BAG4: variants seen among roughly 807,000 people sequenced by gnomAD.
The protein encoded by BAG4 is BAG family molecular chaperone regulator 4.
Under a neutral mutation model 52.1 loss-of-function variants are expected in BAG4, and 28 were observed. The ratio of observed to expected loss-of-function variants is 0.54; its 90% CI spans 0.40 to 0.74. BAG4 has a LOEUF of 0.74. Ranked by LOEUF, BAG4 falls within the 30% of genes least tolerant of loss-of-function variation. The pLI is 0.00. For synonymous variants in BAG4, 208 were observed against 217.0 expected, an observed-to-expected ratio of 0.96 and a Z score of 0.37; for missense variants, 525 against 572.0, an observed-to-expected ratio of 0.92 and a Z score of 0.84.
In BAG4 at chr8:38,210,290, C is replaced by T; in HGVS notation, c.1171C>T (p.Gln391Ter). 2 of 1,614,032 alleles carry T rather than the reference C, an allele frequency of 1.2e-6. No individual in the cohort carries two copies. The highest frequency in any genetic ancestry group is 1.1e-5 in the South Asian group (1 of 91,056). The change falls in exon 5 of 5, where the codon CAG becomes TAG. Residue 391 changes from glutamine (Q) to a stop codon, truncating the protein, a stop_gained. Transcript: ENST00000287322. LOFTEE classifies it high-confidence loss of function. ...KKIIHVLEKV[Q>*]YLEQEVEEFV... is the part of the protein sequence containing the mutation. ...AATCATACATGTGCTGGAGAAGGTCCAGTATCTTGAACAAGAAGTAGAAGA... is the reference window on the plus strand; with the variant it reads ...AATCATACATGTGCTGGAGAAGGTCTAGTATCTTGAACAAGAAGTAGAAGA...
chr8:38,206,894 C>T (rs904049451), intron 2 of BAG4, among the ~76,000 whole-genome samples: 1 of 151,986 alleles, frequency 6.6e-6, no homozygotes, highest in African/African-American at 2.4e-5. Context: ...AATCCTCTCA[C>T]CTCAGCCTCC....
rs1018047056 is a variant in BAG4, at chr8:38,211,643, TG to T, written c.*1153del. 5 of 151,982 alleles carry T rather than the reference TG, an allele frequency of 3.3e-5. No individual in the cohort carries two copies. The highest frequency in any genetic ancestry group is 5.9e-5 in the Non-Finnish European group (4 of 67,948). 9.4% of individuals were successfully genotyped at this position (151,982 alleles called of 1,614,324 possible). ...GGGAATGAATCAGCCATAGTTAGAG[TG>T]GGAAATTATTATTTTCTTCATTTAA... On this transcript the variant is annotated 3_prime_UTR_variant, in exon 5 of 5. Transcript: ENST00000287322.
chr8:38,202,473 C>T (rs896787174), intron 2 of BAG4, among the ~76,000 whole-genome samples: 8 of 151,780 alleles, frequency 5.3e-5, no homozygotes, highest in Admixed American at 3.9e-4. Context: ...CCCCGCTTAT[C>T]TTAAACTCTT....
chr8:38,198,117 G>A, intron 2 of BAG4, among the ~76,000 whole-genome samples: 1 of 151,904 alleles, frequency 6.6e-6, no homozygotes, highest in East Asian at 1.9e-4. Context: ...GGGCGCGGTG[G>A]CTCACTCCTG....
At chr8:38,209,605 C>T in intron 4 of BAG4, 1 of 378,120 alleles carries the variant, frequency 2.6e-6, no homozygotes, top group Non-Finnish European at 4.8e-6. Context: ...ATATCTGTAG[C>T]ATGAGCTTGT....
intron 2 of BAG4, among the ~76,000 whole-genome samples, chr8:38,198,430 T>C (rs1803602755): frequency 6.6e-6 from 1 of 150,560 alleles, no homozygotes. Flanking sequence ...TTAATTTCTT[T>C]ATATCCTTAT....
At chr8:38,201,849 TATATA>T (rs1803668417) in intron 2 of BAG4, 5 of 6,356 alleles carry the variant, frequency 7.9e-4, no homozygotes, top group Non-Finnish European at 2.3e-3. Flanking sequence ...TATATATATA[TATATA>T]TATATATATA....
intron 1 of BAG4, among the ~76,000 whole-genome samples, chr8:38,189,938 A>G (rs1803445153): frequency 1.3e-5 from 2 of 152,058 alleles, no homozygotes; most frequent in African/African-American, 4.8e-5. Context: ...GGCGCCCGCC[A>G]CCACACCTGG....
chr8:38,191,760 CAAAAAAAAA>C (rs35851034), intron 1 of BAG4, among the ~76,000 whole-genome samples: 1 of 72,624 alleles, frequency 1.4e-5, no homozygotes, highest in African/African-American at 5.5e-5. Flanking sequence ...AACTCTGTCT[CAAAAAAAAA>C]AAAAAAAAAA....
chr8:38,194,130 C>T (rs1224044331), intron 2 of BAG4, among the ~76,000 whole-genome samples: 1 of 152,042 alleles, frequency 6.6e-6, no homozygotes, highest in Non-Finnish European at 1.5e-5. Context: ...CCTTGGCCTC[C>T]CAAAGTGCTG....
rs532394110 is a variant in BAG4 at position 38,209,367 on chromosome 8, A to G, written c.888+100A>G. On this transcript the variant is annotated intron_variant, in intron 4 of 4. Transcript: ENST00000287322. ...ACTGGTTTGTGTTAAATGGGGACTAATTACAAAAAGTTGGTGACTACTTAT... is the reference window on the plus strand; with the variant it reads ...ACTGGTTTGTGTTAAATGGGGACTAGTTACAAAAAGTTGGTGACTACTTAT... The G allele has an allele frequency of 2.0e-6, 3 of 1,506,060 alleles. No individual in the cohort carries two copies. The African/African-American group carries it at 4.2e-5, about 21-fold the overall frequency. The allele number at this position is 1,506,060 out of a possible 1,614,324, so 93.3% of individuals were successfully genotyped here. A position where few individuals can be genotyped will look rare whatever the true frequency, so the allele number is the denominator to read the frequency against.
chr8:38,201,236 A>G (rs1198270396), intron 2 of BAG4, among the ~76,000 whole-genome samples: 1 of 152,206 alleles, frequency 6.6e-6, no homozygotes, highest in Admixed American at 6.6e-5. Flanking sequence ...GTGTCTAGAC[A>G]TACACCTTTT....
intron 2 of BAG4, among the ~76,000 whole-genome samples, chr8:38,193,129 G>A (rs1052108004): frequency 5.9e-5 from 9 of 151,958 alleles, no homozygotes; most frequent in African/African-American, 1.9e-4. Flanking sequence ...TTTAAATCTA[G>A]CATGCAGGGC....
chr8:38,209,102 T>C lies in BAG4; in HGVS notation c.723T>C (p.Asp241=). The C allele has an allele frequency of 6.2e-7, 1 of 1,614,194 alleles. No individual in the cohort carries two copies. The highest frequency in any genetic ancestry group is 8.5e-7 in the Non-Finnish European group (1 of 1,180,048). Reference sequence around the variant, plus strand: ...GACCGACTGTACGACCACAAGAAGATGCGTGGGCTTCTCCTGGTGCTTATG... The same window carrying C: ...GACCGACTGTACGACCACAAGAAGACGCGTGGGCTTCTCCTGGTGCTTATG... The part of the protein sequence containing the change: ...QSGPTVRPQE[D]AWASPGAYGM... Residue 241 remains aspartate, a synonymous_variant, in exon 4 of 5, where the codon GAT becomes GAC. Transcript: ENST00000287322.
At chr8:38,198,185 C>G (rs908691851) in intron 2 of BAG4, among the ~76,000 whole-genome samples, 6 of 151,332 alleles carry the variant, frequency 4.0e-5, no homozygotes, top group African/African-American at 1.5e-4. Flanking sequence ...GAAATCGAGA[C>G]CATCCTGGCT....
rs910867234 is a variant in BAG4, at chr8:38,210,538, G to T, written c.*45G>T. 1 of 1,518,104 alleles carries T rather than the reference G, an allele frequency of 6.6e-7. No individual in the cohort carries two copies. The highest frequency in any genetic ancestry group is 8.8e-7 in the Non-Finnish European group (1 of 1,137,656). 94.0% of individuals were successfully genotyped at this position (1,518,104 alleles called of 1,614,324 possible). On this transcript the variant is annotated 3_prime_UTR_variant, in exon 5 of 5. Transcript: ENST00000287322. ...GAAGCCTGTTACTAACTTGACCAAAGAACACTTGATTTGGTTAATTACCCT... is the reference window on the plus strand; with the variant it reads ...GAAGCCTGTTACTAACTTGACCAAATAACACTTGATTTGGTTAATTACCCT...
intron 2 of BAG4, among the ~76,000 whole-genome samples, chr8:38,200,484 CTTTTTT>C (rs1237253598): frequency 6.6e-6 from 1 of 152,126 alleles, no homozygotes; most frequent in Non-Finnish European, 1.5e-5. Context: ...CTCTCTCTCT[CTTTTTT>C]CTTTTTCTTC....
chr8:38,189,176 C>G (rs1803425619), intron 1 of BAG4, among the ~76,000 whole-genome samples: 2 of 152,004 alleles, frequency 1.3e-5, no homozygotes, highest in South Asian at 4.1e-4. Flanking sequence ...AACTCCTGAC[C>G]TCAAGTGACC....
intron 1 of BAG4, among the ~76,000 whole-genome samples, chr8:38,187,069 C>T (rs1233870117): frequency 1.3e-5 from 2 of 152,078 alleles, no homozygotes; most frequent in Admixed American, 1.3e-4. Flanking sequence ...AAAGTATGAC[C>T]CATACACTGG....
Sources: gnomAD v4.1 joint callset for allele counts (sites outside exome capture counted in the v4.1 genomes callset) on GRCh38, gnomAD v4.1.1 for gene constraint, MANE v1.5 for transcripts, NCBI Gene and HGNC (gene_info 2026-07-23, HGNC 2026-07-21) for gene names.